The following GHR variants were observed in gnomAD, a reference collection of about 807,000 sequenced individuals.
GHR encodes the protein growth hormone receptor.
GHR carries 35 observed loss-of-function variants against 67.1 expected under a neutral mutation model. That is an observed-to-expected ratio of 0.52 (90% CI 0.40 to 0.69). The LOEUF is 0.69. GHR is among the 30% of genes least tolerant of loss of function. The pLI is 0.00. For synonymous variants in GHR, 272 were observed against 269.1 expected (o/e 1.01, Z -0.10); for missense variants, 792 against 764.6 (o/e 1.04, Z -0.42).
At chr5:42,489,411 A>G (rs981293038) in intron 1 of GHR, among the ~76,000 whole-genome samples, 4 of 152,158 alleles carry the variant, frequency 2.6e-5, no homozygotes, top group Non-Finnish European at 4.4e-5. Context: ...TACTTTTTCT[A>G]TTAGAAACAT....
chr5:42,708,740 C>A (rs1385260595), intron 6 of GHR, among the ~76,000 whole-genome samples: 1 of 152,146 alleles, frequency 6.6e-6, no homozygotes, highest in Non-Finnish European at 1.5e-5. Context: ...ACTGAGCCAC[C>A]ACTTTGAAAC....
At chr5:42,467,515 C>G (rs1744787394) in intron 1 of GHR, 2 of 1,187,222 alleles carry the variant, frequency 1.7e-6, no homozygotes, top group East Asian at 2.3e-5. Flanking sequence ...AAGTTGTGAG[C>G]TATAACTAAA....
chr5:42,599,357 AT>A (rs36037535), intron 2 of GHR, among the ~76,000 whole-genome samples: 3,542 of 103,854 alleles, frequency 0.034, 31 homozygotes, highest in African/African-American at 0.078. Flanking sequence ...CCTACAGCAC[AT>A]TTTTTTTTTT....
At chr5:42,453,052 T>TA (rs34552515) in intron 1 of GHR, among the ~76,000 whole-genome samples, 32,871 of 150,376 alleles carry the variant, frequency 0.22, 3,876 homozygotes, top group African/African-American at 0.29. Context: ...GTGGACTGTG[T>TA]TTTTTTTTTA....
At chr5:42,694,777 G>T (rs113549374) in intron 4 of GHR, 140 bp from the exon 5 acceptor site, 5 of 724,928 alleles carry the variant, frequency 6.9e-6, no homozygotes, top group Admixed American at 1.9e-5. Flanking sequence ...GATATGTCTC[G>T]GAAATGATGT....
At chr5:42,623,664 C>T (rs1327049399) in intron 2 of GHR, among the ~76,000 whole-genome samples, 2 of 152,182 alleles carry the variant, frequency 1.3e-5, no homozygotes, top group African/African-American at 2.4e-5. Flanking sequence ...TTCCATTGTT[C>T]CTCCAATGCT....
At position 42,465,473 on chromosome 5, in the gene GHR, A is replaced by G. The variant is rs573045675; in HGVS notation, c.-12+41518A>G. The stretch of plus-strand genomic sequence containing the variant: ...CATCTCTTTTGGACCCTCCTCTTTT[A>G]CCTCTTCAACTTCATTCTCCTTATT... On this transcript the variant is annotated intron_variant, in intron 1 of 9. Coordinates refer to ENST00000230882, the MANE Select transcript of GHR (RefSeq NM_000163.5). 712 of 1,581,516 alleles carry G rather than the reference A, an allele frequency of 4.5e-4. 1 individual carries two copies. The highest frequency in any genetic ancestry group is 1.6e-3 in the Middle Eastern group (7 of 4,374).
intron 2 of GHR, among the ~76,000 whole-genome samples, chr5:42,616,364 A>C (rs1753148139): frequency 1.3e-5 from 2 of 152,100 alleles, no homozygotes; most frequent in South Asian, 4.2e-4. Context: ...TTGATGGTTA[A>C]ATGAGTTGGA....
intron 2 of GHR, among the ~76,000 whole-genome samples, chr5:42,595,308 T>A (rs1382607529): frequency 1.3e-5 from 2 of 152,190 alleles, no homozygotes; most frequent in Non-Finnish European, 2.9e-5. Context: ...ATGTATAATA[T>A]CTGTGGGAGA....
chr5:42,455,390 A>G (rs1744220210), intron 1 of GHR, among the ~76,000 whole-genome samples: 1 of 152,122 alleles, frequency 6.6e-6, no homozygotes, highest in East Asian at 1.9e-4. Flanking sequence ...CAGGAGATGT[A>G]TGTTAGCCCT....
intron 2 of GHR, among the ~76,000 whole-genome samples, chr5:42,567,447 T>C (rs1356667346): frequency 6.6e-6 from 1 of 152,198 alleles, no homozygotes; most frequent in East Asian, 1.9e-4. Flanking sequence ...TGTTTGCTTT[T>C]TGTTTTTCTT....
Position 42,424,991 on chromosome 5 carries a change from C to T in GHR, c.-12+1036C>T, listed in dbSNP as rs1379415448. ...AGGGTGGAAGAGGCCACAGAGGTGC[C>T]GCCTGTCTGTTTGTGCCGCCAGGAG... is the stretch of plus-strand genomic sequence containing the variant. On this transcript the variant is annotated intron_variant, in intron 1 of 9. Coordinates refer to ENST00000230882, the MANE Select transcript of GHR (RefSeq NM_000163.5). This position sits in a 1 kb window ranked among gnomAD's most constrained non-coding sequence, Gnocchi z 4.1. 6 of 985,088 alleles carry T rather than the reference C, an allele frequency of 6.1e-6. No homozygotes were observed. Among genetic ancestry groups the T allele is most frequent in the Non-Finnish European group, 7.2e-6 (6 of 829,680 alleles). 61.0% of individuals were successfully genotyped at this position (985,088 alleles called of 1,614,324 possible).
intron 1 of GHR, among the ~76,000 whole-genome samples, chr5:42,477,321 G>T (rs545303926): frequency 2.0e-5 from 3 of 151,984 alleles, no homozygotes; most frequent in African/African-American, 7.3e-5. Context: ...TTGCTATTGC[G>T]AATAGTGCCA....
intron 1 of GHR, among the ~76,000 whole-genome samples, chr5:42,476,094 C>T (rs1250958056): frequency 6.6e-6 from 1 of 151,558 alleles, no homozygotes; most frequent in Non-Finnish European, 1.5e-5. Context: ...TTAATAGAGA[C>T]GCGGTTTCAC....
At chr5:42,429,065 T>C (rs893465805) in intron 1 of GHR, among the ~76,000 whole-genome samples, 5 of 152,206 alleles carry the variant, frequency 3.3e-5, no homozygotes, top group Non-Finnish European at 7.3e-5. Flanking sequence ...TAGCCCATTC[T>C]CATGCTGCTA....
intron 2 of GHR, among the ~76,000 whole-genome samples, chr5:42,622,121 A>C (rs1255769848): frequency 1.3e-5 from 2 of 152,200 alleles, no homozygotes; most frequent in East Asian, 3.9e-4. Context: ...CTGAGGACCC[A>C]CTGAGTAGTA....
intron 2 of GHR, among the ~76,000 whole-genome samples, chr5:42,574,590 A>G (rs796343869): frequency 3.3e-5 from 5 of 152,350 alleles, no homozygotes; most frequent in African/African-American, 1.2e-4. Flanking sequence ...GAAAGGCAAA[A>G]GTATAAGTGC....
intron 1 of GHR, among the ~76,000 whole-genome samples, chr5:42,455,606 A>G (rs1463738724): frequency 6.6e-6 from 1 of 152,204 alleles, no homozygotes; most frequent in Non-Finnish European, 1.5e-5. Context: ...TTCATTAACC[A>G]AGTATTTACT....
intron 3 of GHR, among the ~76,000 whole-genome samples, chr5:42,676,513 C>T (rs1202988183): frequency 6.6e-6 from 1 of 152,018 alleles, no homozygotes; most frequent in Non-Finnish European, 1.5e-5. Flanking sequence ...TATTTAAAGC[C>T]TTCCTGCCAG....
Sources: allele counts gnomAD v4.1 joint callset (sites outside exome capture counted in the v4.1 genomes callset), GRCh38; gene constraint gnomAD v4.1.1; non-coding constraint Gnocchi (gnomAD v3.1); transcripts MANE v1.5; gene names NCBI Gene and HGNC (gene_info 2026-07-23, HGNC 2026-07-21).